The following ANKRD11 variants were observed in gnomAD, a reference collection of about 807,000 sequenced individuals.
ANKRD11 encodes ankyrin repeat domain 11, also known as ankyrin repeat domain-containing protein 11.
ANKRD11 carries 17 observed loss-of-function variants against 195.7 expected under a neutral mutation model. The observed-to-expected ratio is 0.09, with a 90% CI of 0.06 to 0.13. ANKRD11 has a LOEUF of 0.13. Among genes scored for constraint, ANKRD11 ranks in the 10% least tolerant of loss-of-function variants. The pLI is 1.00. For synonymous variants in ANKRD11, 1,953 were observed against 1,528.1 expected, an observed-to-expected ratio of 1.28 and a Z score of -6.49; for missense variants, 3,735 against 3,566.1, an observed-to-expected ratio of 1.05 and a Z score of -1.21.
At position 89,284,848 on chromosome 16, in the gene ANKRD11, A is replaced by G. The variant is rs1195738104; in HGVS notation, c.1694T>C (p.Leu565Ser). 1 of 1,614,040 alleles carries G rather than the reference A, an allele frequency of 6.2e-7. No homozygotes were observed. The highest frequency in any genetic ancestry group is 1.1e-5 in the South Asian group (1 of 91,082). The change falls in exon 9 of 13, where the codon TTA (leucine) becomes TCA (serine). Residue 565 changes from leucine (L) to serine (S), a missense_variant. Physicochemically the swap from Leu to Ser is moderately radical, Grantham distance 145. Transcript: ENST00000301030. ...SSPAWSEVSS[L>S]SDSTRTRLTS... ...CAGTCTCGTCCTTGTGGAGTCTGAT[A>G]AAGAACTGACCTCTGACCAAGCCGG...
chr16:89,273,524 C>A lies in ANKRD11; in HGVS notation c.7713+1290G>T, dbSNP rs1045309470. On this transcript the variant is annotated intron_variant, in intron 11 of 12. Coordinates refer to ENST00000301030, the MANE Select transcript of ANKRD11 (RefSeq NM_013275.6). ...AGACCATCCTGGACATGGTGACACCCCGTCTCCACTAAAAATACAAAAATC... is the reference window on the plus strand; with the variant it reads ...AGACCATCCTGGACATGGTGACACCACGTCTCCACTAAAAATACAAAAATC... Among the ~76,000 whole-genome samples, 3 of 152,114 alleles carry A rather than the reference C, an allele frequency of 2.0e-5. No homozygotes were observed. In the South Asian group the frequency reaches 6.2e-4, roughly 32 times the overall value.
In ANKRD11 at chr16:89,283,463, T is replaced by C. The variant is rs1360037674; in HGVS notation, c.3079A>G (p.Arg1027Gly). The stretch of plus-strand genomic sequence containing the variant: ...TTGTCACTGGATTTCTCTTTGTATC[T>C]TTCTGGTTTTGTCTTCTCCTTCCTT... ...KERKEKTKPERYKEKSSDKDK... is the reference protein window; with the variant it reads ...KERKEKTKPEGYKEKSSDKDK... The change falls in exon 9 of 13, where the codon AGA becomes GGA. Residue 1027 changes from arginine to glycine, a missense_variant. Physicochemically the swap from Arg to Gly is moderately radical, Grantham distance 125. Transcript: ENST00000301030. This position sits in a 1 kb window ranked among gnomAD's most constrained non-coding sequence, Gnocchi z 4.3. The C allele has an allele frequency of 6.2e-7, 1 of 1,614,246 alleles. No individual in the cohort carries two copies. Among genetic ancestry groups the C allele is most frequent in the East Asian group, 2.2e-5 (1 of 44,886 alleles).
chr16:89,281,039 G>T lies in ANKRD11; in HGVS notation c.5503C>A (p.Leu1835Met). 1 of 1,601,334 alleles carries T rather than the reference G, an allele frequency of 6.2e-7. No individual in the cohort carries two copies. Among genetic ancestry groups the T allele is most frequent in the Non-Finnish European group, 8.5e-7 (1 of 1,171,772 alleles). Residue 1835 changes from leucine (L) to methionine (M), a missense_variant, in exon 9 of 13, where the codon CTG becomes ATG. Leu to Met is a conservative substitution (Grantham distance 15). Coordinates refer to ENST00000301030, the MANE Select transcript of ANKRD11 (RefSeq NM_013275.6). This position sits in a 1 kb window ranked among gnomAD's most constrained non-coding sequence, Gnocchi z 5.5. ...MPPSMEDRAP[L>M]PPVPAEKFAC... ...AACTTCTCCGCGGGAACCGGGGGCA[G>T]GGGCGCCCTGTCTTCCATCGAGGGT...
intron 2 of ANKRD11, among the ~76,000 whole-genome samples, chr16:89,384,081 G>T (rs148361323): frequency 2.7e-3 from 412 of 152,314 alleles, no homozygotes; most frequent in African/African-American, 9.0e-3. Context: ...TTAGCCGGGC[G>T]TGGTGGCAGG....
Position 89,284,453 on chromosome 16 carries a change from CTTT to C in ANKRD11, c.2086_2088del (p.Lys696del), listed in dbSNP as rs2034503530. 3 of 1,613,600 alleles carry C rather than the reference CTTT, an allele frequency of 1.9e-6. No homozygotes were observed. The highest frequency in any genetic ancestry group is 2.5e-6 in the Non-Finnish European group (3 of 1,179,954). On this transcript the variant is annotated inframe_deletion, in exon 9 of 13. Coordinates refer to ENST00000301030, the MANE Select transcript of ANKRD11 (RefSeq NM_013275.6). ...AATTTCATTTTGCTAAGTTTCTCTTCTTTTTTAAAGTGGTCGCGATCGTGCTTT... is the reference window on the plus strand; with the variant it reads ...AATTTCATTTTGCTAAGTTTCTCTTCTTTAAAGTGGTCGCGATCGTGCTTT...
At chr16:89,489,879 C>G (rs1385492959) in intron 1 of ANKRD11, among the ~76,000 whole-genome samples, 3 of 146,802 alleles carry the variant, frequency 2.0e-5, no homozygotes, top group Non-Finnish European at 4.6e-5. Flanking sequence ...CTCAGAGCCG[C>G]CGCGGGCCCC....
At chr16:89,438,169 G>A (rs2043294889) in intron 1 of ANKRD11, among the ~76,000 whole-genome samples, 1 of 152,136 alleles carries the variant, frequency 6.6e-6, no homozygotes, top group Non-Finnish European at 1.5e-5. Context: ...TGGCACAACT[G>A]GTGTCTGCAT....
intron 2 of ANKRD11, among the ~76,000 whole-genome samples, chr16:89,348,569 C>T (rs148968340): frequency 0.01 from 1,560 of 152,198 alleles, 23 homozygotes; most frequent in African/African-American, 0.035. Flanking sequence ...GTCAGTCATC[C>T]GGGACTGAAG....
chr16:89,342,581 T>C (rs1198934401), intron 2 of ANKRD11, among the ~76,000 whole-genome samples: 1 of 152,242 alleles, frequency 6.6e-6, no homozygotes, highest in Admixed American at 6.5e-5. Context: ...CTTTTCCTTA[T>C]TTCCCCTCTA....
chr16:89,306,688 C>T (rs527290259), intron 3 of ANKRD11, among the ~76,000 whole-genome samples: 1 of 17,578 alleles, frequency 5.7e-5, no homozygotes, highest in Admixed American at 4.2e-4. Flanking sequence ...CCTCCCACTC[C>T]GCAGACACGT....
chr16:89,454,655 C>T (rs1378879367), intron 1 of ANKRD11, among the ~76,000 whole-genome samples: 741 of 67,606 alleles, frequency 0.011, no homozygotes, highest in Middle Eastern at 0.03. Flanking sequence ...TGGGTGCTTC[C>T]AGGGTTCCTC....
At chr16:89,423,528 A>G (rs1364770516) in intron 1 of ANKRD11, among the ~76,000 whole-genome samples, 1 of 152,244 alleles carries the variant, frequency 6.6e-6, no homozygotes, top group African/African-American at 2.4e-5. Context: ...CTTCAAATAC[A>G]TGCACAGAGA....
Sources: gnomAD v4.1 joint callset for allele counts (sites outside exome capture counted in the v4.1 genomes callset) on GRCh38, gnomAD v4.1.1 for gene constraint, Gnocchi (gnomAD v3.1) non-coding constraint, MANE v1.5 for transcripts, NCBI Gene and HGNC (gene_info 2026-07-23, HGNC 2026-07-21) for gene names.